The following CRAMP1 variants were observed in gnomAD, a reference collection of about 807,000 sequenced individuals.
The protein encoded by CRAMP1 is cramped chromatin regulator 1, also known as protein cramped-like.
Under a neutral mutation model 115.4 loss-of-function variants are expected in CRAMP1, and 50 were observed. That is an observed-to-expected ratio of 0.43 (90% CI 0.35 to 0.55). The LOEUF is 0.55. Among genes scored for constraint, CRAMP1 ranks in the 20% least tolerant of loss-of-function variants. The pLI is 0.01. For synonymous variants in CRAMP1, 866 were observed against 745.4 expected (o/e 1.16, Z -2.64); for missense variants, 1,679 against 1,721.7 (o/e 0.98, Z 0.44).
At chr16:1,641,315 TGTTCAGTCC>T (rs1400180678) in intron 6 of CRAMP1, 128 bp downstream of exon 6, 5 of 709,108 alleles carry the variant, frequency 7.1e-6, no homozygotes, top group Admixed American at 2.3e-5. Context: ...CTCAGTTACG[TGTTCAGTCC>T]CAACAAAAGG....
intron 6 of CRAMP1, among the ~76,000 whole-genome samples, chr16:1,644,891 G>A (rs1355705607): frequency 1.3e-5 from 2 of 151,552 alleles, no homozygotes; most frequent in Non-Finnish European, 2.9e-5. Context: ...AAATAGAGGC[G>A]GGGTTTCGCC....
Position 1,666,672 on chromosome 16 carries a change from A to C in CRAMP1, c.3036+72A>C. The C allele has an allele frequency of 7.1e-7, 1 of 1,401,052 alleles. No individual in the cohort carries two copies. Among genetic ancestry groups the C allele is most frequent in the Non-Finnish European group, 1.0e-6 (1 of 997,576 alleles). 86.8% of individuals were successfully genotyped at this position (1,401,052 alleles called of 1,614,324 possible). A position where few individuals can be genotyped will look rare whatever the true frequency, so the allele number is the denominator to read the frequency against. On this transcript the variant is annotated intron_variant, in intron 16 of 20. Transcript: ENST00000397412. The surrounding 1 kb of genome is among the most constrained non-coding windows in gnomAD (Gnocchi z 5.0). Reference sequence around the variant, plus strand: ...TGTGGACGCCAAAGCCATGGGGCTGAGATCACGCTGGACTCCAGCTCTGCC... The same window carrying C: ...TGTGGACGCCAAAGCCATGGGGCTGCGATCACGCTGGACTCCAGCTCTGCC...
chr16:1,613,912 G>A (rs1405319339), intron 1 of CRAMP1, among the ~76,000 whole-genome samples: 1 of 152,166 alleles, frequency 6.6e-6, no homozygotes. Flanking sequence ...GAGACCCGGA[G>A]CTGATTATTC....
In CRAMP1 at chr16:1,626,074, G is replaced by A. The variant is rs759924595; in HGVS notation, c.448G>A (p.Gly150Ser). ...CTCCTCCCGGAACTTAGGGTCTTCTGGTGGCGAGAAGGAAGAAGGCAAAAA... is the reference window on the plus strand; with the variant it reads ...CTCCTCCCGGAACTTAGGGTCTTCTAGTGGCGAGAAGGAAGAAGGCAAAAA... The part of the protein sequence containing the change: ...RSSSRNLGSS[G>S]GEKEEGKKVR... The change falls in exon 3 of 21, where the codon GGT (glycine) becomes AGT (serine). Residue 150 changes from glycine to serine, a missense_variant. Transcript: ENST00000397412. 7.1e-6 allele frequency: 11 copies of A among 1,551,386 alleles called. No individual in the cohort carries two copies. The highest frequency in any genetic ancestry group is 9.6e-6 in the Non-Finnish European group (11 of 1,146,890).
At chr16:1,621,888 G>T (rs2036468448) in intron 2 of CRAMP1, among the ~76,000 whole-genome samples, 1 of 152,208 alleles carries the variant, frequency 6.6e-6, no homozygotes, top group African/African-American at 2.4e-5. Flanking sequence ...CCTGCACCCA[G>T]AGAAGCCCAC....
Position 1,623,171 on chromosome 16 carries a change from TC to T in CRAMP1, c.347-2800del, listed in dbSNP as rs374522432. 4.2e-3 allele frequency among the ~76,000 whole-genome samples: 639 copies of T among 152,352 alleles called. 6 individuals are homozygous for T. Among genetic ancestry groups the T allele is most frequent in the African/African-American group, 0.015 (612 of 41,574 alleles). On this transcript the variant is annotated intron_variant, in intron 2 of 20. Coordinates refer to ENST00000397412, the MANE Select transcript of CRAMP1 (RefSeq NM_020825.4). Reference sequence around the variant, plus strand: ...TCTGAATGTTCATCTTGCTTTACTTTCCTCTACTGAGGATGTGTCATTTTTA... The same window carrying T: ...TCTGAATGTTCATCTTGCTTTACTTTCTCTACTGAGGATGTGTCATTTTTA...
intron 6 of CRAMP1, among the ~76,000 whole-genome samples, chr16:1,643,153 T>TA (rs956382522): frequency 1.3e-5 from 2 of 152,112 alleles, no homozygotes; most frequent in Non-Finnish European, 2.9e-5. Context: ...GGCTGCGTGA[T>TA]AGAGTGTAGT....
intron 6 of CRAMP1, among the ~76,000 whole-genome samples, chr16:1,645,692 C>T (rs377539765): frequency 1.4e-3 from 216 of 152,242 alleles, no homozygotes; most frequent in African/African-American, 4.9e-3. Context: ...CTTCGTAGTG[C>T]CCCCAGAAGC....
intron 10 of CRAMP1, among the ~76,000 whole-genome samples, chr16:1,658,622 C>G (rs2036796734): frequency 6.6e-6 from 1 of 152,170 alleles, no homozygotes; most frequent in African/African-American, 2.4e-5. Flanking sequence ...CCTGTGCTGT[C>G]TCTTGCCTGG....
At position 1,626,048 on chromosome 16, in the gene CRAMP1, C is replaced by G; in HGVS notation, c.422C>G (p.Ser141Cys). 6.4e-7 allele frequency: 1 copy of G among 1,551,588 alleles called. No homozygotes were observed. Among genetic ancestry groups the G allele is most frequent in the East Asian group, 2.4e-5 (1 of 40,898 alleles). ...GCTGCCCCTGCAGGGGGCTCGCGCT[C>G]CTCCTCCCGGAACTTAGGGTCTTCT... ...APAAPAGGSRSSSRNLGSSGG... is the reference protein window; with the variant it reads ...APAAPAGGSRCSSRNLGSSGG... The change falls in exon 3 of 21, where the codon TCC becomes TGC. Residue 141 changes from serine to cysteine, a missense_variant. This residue lies in a region of CRAMP1 where 264 missense variants were observed against 229.7 expected (regional missense o/e 1.15). Coordinates refer to ENST00000397412, the MANE Select transcript of CRAMP1 (RefSeq NM_020825.4).
At chr16:1,640,165 C>A (rs2036620513) in intron 5 of CRAMP1, among the ~76,000 whole-genome samples, 1 of 152,132 alleles carries the variant, frequency 6.6e-6, no homozygotes, top group East Asian at 1.9e-4. Context: ...TCTGAAAAAC[C>A]TCCTGTATTT....
intron 2 of CRAMP1, among the ~76,000 whole-genome samples, chr16:1,620,417 T>C (rs576089643): frequency 3.9e-5 from 6 of 152,078 alleles, no homozygotes; most frequent in African/African-American, 1.4e-4. Flanking sequence ...GAGAAATGAG[T>C]GAAGCATGGG....
chr16:1,639,713 A>G (rs1041076620), intron 5 of CRAMP1, among the ~76,000 whole-genome samples: 4 of 152,156 alleles, frequency 2.6e-5, no homozygotes, highest in Admixed American at 1.3e-4. Flanking sequence ...GCTTTCTGCA[A>G]CCAATCAGAG....
chr16:1,656,693 C>A lies in CRAMP1; in HGVS notation c.1936C>A (p.Pro646Thr). ...GGAGGAGCTCCAGGAGAAGGGGAGC[C>A]CCGCGGGGCCTCCGCCGTCTCAGGG... ...PAEELQEKGS[P>T]AGPPPSQGQP... The change falls in exon 10 of 21, where the codon CCC becomes ACC. Residue 646 changes from proline (P) to threonine (T), a missense_variant. Transcript: ENST00000397412. This position sits in a 1 kb window ranked among gnomAD's most constrained non-coding sequence, Gnocchi z 5.6. 6.4e-7 allele frequency: 1 copy of A among 1,561,866 alleles called. No homozygotes were observed. Among genetic ancestry groups the A allele is most frequent in the Non-Finnish European group, 8.7e-7 (1 of 1,154,152 alleles).
chr16:1,634,845 A>G (rs1003176122), intron 4 of CRAMP1, among the ~76,000 whole-genome samples: 1 of 152,136 alleles, frequency 6.6e-6, no homozygotes, highest in Non-Finnish European at 1.5e-5. Flanking sequence ...TTGCGCATCA[A>G]ACAGAGTGGC....
In CRAMP1 at chr16:1,626,120, C is replaced by A; in HGVS notation, c.494C>A (p.Ser165Ter). The A allele has an allele frequency of 6.5e-7, 1 of 1,548,094 alleles. No homozygotes were observed. The highest frequency in any genetic ancestry group is 8.7e-7 in the Non-Finnish European group (1 of 1,145,158). The change falls in exon 3 of 21, where the codon TCG (serine) becomes TAG (stop). Residue 165 changes from serine (S) to a stop codon, truncating the protein, a stop_gained. Coordinates refer to ENST00000397412, the MANE Select transcript of CRAMP1 (RefSeq NM_020825.4). LOFTEE classifies it high-confidence loss of function. ...AAAAAGGTCCGGCGGCAGTGGGAGT[C>A]GTGGAGCACAGAGGACAAGAACACC... Reference protein sequence around the residue: ...EGKKVRRQWESWSTEDKNTFF... With the variant: ...EGKKVRRQWE
chr16:1,615,037 G>A, intron 2 of CRAMP1, 52 bp downstream of exon 2: 1 of 1,087,276 alleles, frequency 9.2e-7, no homozygotes, highest in Non-Finnish European at 1.2e-6. Context: ...GGGGTGTGCC[G>A]CGGGGGAGAG....
chr16:1,653,196 T>G (rs754378397), intron 8 of CRAMP1, 40 bp downstream of exon 8: 1 of 1,589,792 alleles, frequency 6.3e-7, no homozygotes, highest in South Asian at 1.1e-5. Flanking sequence ...CCCAACTGCT[T>G]GAGCAGGACT....
chr16:1,616,850 T>G (rs2036424668), intron 2 of CRAMP1, among the ~76,000 whole-genome samples: 1 of 151,840 alleles, frequency 6.6e-6, no homozygotes, highest in South Asian at 2.1e-4. Context: ...AGTCTCACTC[T>G]GTCACCCAGG....
Sources: gnomAD v4.1 joint callset for allele counts (sites outside exome capture counted in the v4.1 genomes callset) on GRCh38, gnomAD v4.1.1 for gene constraint, gnomAD v4.1.1 regional missense constraint, Gnocchi (gnomAD v3.1) non-coding constraint, MANE v1.5 for transcripts, NCBI Gene and HGNC (gene_info 2026-07-23, HGNC 2026-07-21) for gene names.